ANKRD30BL: variants seen among roughly 807,000 people sequenced by gnomAD.
ANKRD30BL encodes ankyrin repeat domain 30B like, also known as putative ankyrin repeat domain-containing protein 30B-like.
A neutral mutation model predicts 18.4 loss-of-function variants in ANKRD30BL; 20 were observed. The observed-to-expected ratio is 1.09, with a 90% confidence interval of 0.77 to 1.58. The LOEUF is 1.58. ANKRD30BL is among the 40% of genes most tolerant of loss of function. The pLI, the probability that ANKRD30BL is intolerant of heterozygous loss-of-function variation, is 0.00. For synonymous variants in ANKRD30BL, 72 were observed against 100.9 expected (o/e 0.71, Z 1.72); for missense variants, 224 against 268.6 (o/e 0.83, Z 1.16).
intron 1 of ANKRD30BL, among the ~76,000 whole-genome samples, chr2:132,204,062 A>G (rs1679162025): frequency 6.6e-6 from 1 of 152,236 alleles, no homozygotes; most frequent in Admixed American, 6.5e-5. Flanking sequence ...CTGGTGCTCC[A>G]GGAATTTAAA....
intron 1 of ANKRD30BL, among the ~76,000 whole-genome samples, chr2:132,254,222 TC>T (rs931585294): frequency 2.0e-5 from 3 of 151,566 alleles, no homozygotes; most frequent in South Asian, 4.2e-4. Flanking sequence ...TCTCTGGCTC[TC>T]GGGGCAGGTG....
At chr2:132,172,753 G>A (rs1014650969) in intron 1 of ANKRD30BL, among the ~76,000 whole-genome samples, 4 of 151,700 alleles carry the variant, frequency 2.6e-5, no homozygotes, top group African/African-American at 7.3e-5. Flanking sequence ...TGTCGCCCAG[G>A]CTGGAGTGCA....
At chr2:132,154,866 A>C in intron 3 of ANKRD30BL, 98 bp from the exon 4 acceptor site, 1 of 524,618 alleles carries the variant, frequency 1.9e-6, no homozygotes, top group Non-Finnish European at 3.5e-6. Context: ...AAACAATGGA[A>C]AGTAAATCAA....
intron 1 of ANKRD30BL, among the ~76,000 whole-genome samples, chr2:132,243,065 T>C (rs1680384037): frequency 6.6e-6 from 1 of 151,622 alleles, no homozygotes; most frequent in Non-Finnish European, 1.5e-5. Flanking sequence ...CACATAAAAC[T>C]AGACAGAGGC....
chr2:132,209,690 A>G (rs7594658), intron 1 of ANKRD30BL, among the ~76,000 whole-genome samples: 10,799 of 151,984 alleles, frequency 0.071, 1,269 homozygotes, highest in African/African-American at 0.24. Flanking sequence ...ATATCTTCAA[A>G]TAAAAACTAC....
In ANKRD30BL at chr2:132,223,400, G is replaced by A. The variant is rs546076999; in HGVS notation, n.441+34129C>T. On this transcript the variant is annotated intron_variant and non_coding_transcript_variant, in intron 1 of 4. Coordinates refer to the ANKRD30BL transcript ENST00000470729. ...TTGAAACACTCTTTTTGTAGAATCT[G>A]CAAGTGGACATTTGGAGCGCTTTGA... Among the ~76,000 whole-genome samples the A allele has an allele frequency of 4.6e-5, 7 of 152,158 alleles. No individual in the cohort carries two copies. In the East Asian group the frequency reaches 1.4e-3, roughly 30 times the overall value.
chr2:132,152,738 A>C (rs1373320244), intron 4 of ANKRD30BL: 1 of 152,070 alleles, frequency 6.6e-6, no homozygotes, highest in African/African-American at 2.4e-5. Context: ...CCTGACTTAC[A>C]GTTTCAAACG....
chr2:132,246,571 C>CT (rs1317581183), intron 1 of ANKRD30BL, among the ~76,000 whole-genome samples: 2 of 151,964 alleles, frequency 1.3e-5, no homozygotes, highest in Non-Finnish European at 2.9e-5. Flanking sequence ...TGGAAACACT[C>CT]TTTTTGTAGA....
intron 1 of ANKRD30BL, among the ~76,000 whole-genome samples, chr2:132,239,001 T>C (rs1349806698): frequency 6.6e-6 from 1 of 152,140 alleles, no homozygotes; most frequent in Non-Finnish European, 1.5e-5. Flanking sequence ...AACTTCTTTG[T>C]GAGACTTGCA....
chr2:132,199,537 C>T lies in ANKRD30BL; in HGVS notation n.442-42391G>A, dbSNP rs1033313216. Among the ~76,000 whole-genome samples, 90 of 151,406 alleles carry T rather than the reference C, an allele frequency of 5.9e-4. 1 individual carries two copies. The highest frequency in any genetic ancestry group is 2.1e-3 in the African/African-American group (85 of 41,240). ...TTTTATTTTTTGTTTGAGACAGTCT[C>T]GCTCTGTGGTCCAAGCTGGAGTGCA... On this transcript the variant is annotated intron_variant and non_coding_transcript_variant, in intron 1 of 4. Transcript: ENST00000470729.
At chr2:132,161,210 G>A (rs1455547817) in intron 1 of ANKRD30BL, among the ~76,000 whole-genome samples, 1 of 151,988 alleles carries the variant, frequency 6.6e-6, no homozygotes, top group African/African-American at 2.4e-5. Context: ...ACAGTGCTCT[G>A]TGAGAGGAAG....
chr2:132,246,429 T>C (rs146234196), intron 1 of ANKRD30BL, among the ~76,000 whole-genome samples: 1 of 151,968 alleles, frequency 6.6e-6, no homozygotes, highest in Non-Finnish European at 1.5e-5. Flanking sequence ...AAGTGGATAT[T>C]GGACACCATT....
At chr2:132,203,272 A>G (rs1328760121) in intron 1 of ANKRD30BL, among the ~76,000 whole-genome samples, 1 of 152,300 alleles carries the variant, frequency 6.6e-6, no homozygotes, top group African/African-American at 2.4e-5. Context: ...TCAAATCATT[A>G]GGGATCTTCT....
chr2:132,209,743 A>G (rs1263644977), intron 1 of ANKRD30BL, among the ~76,000 whole-genome samples: 1 of 151,628 alleles, frequency 6.6e-6, no homozygotes, highest in African/African-American at 2.4e-5. Flanking sequence ...TGTGCATTCA[A>G]CTCACATAGT....
intron 1 of ANKRD30BL, among the ~76,000 whole-genome samples, chr2:132,228,265 T>C (rs1307866149): frequency 6.6e-6 from 1 of 151,846 alleles, no homozygotes; most frequent in African/African-American, 2.4e-5. Flanking sequence ...TATTTTCACA[T>C]CAAAACGACA....
intron 1 of ANKRD30BL, among the ~76,000 whole-genome samples, chr2:132,235,644 ACT>A (rs2104788138): frequency 6.6e-6 from 1 of 152,154 alleles, no homozygotes; most frequent in East Asian, 1.9e-4. Flanking sequence ...ATGTGAAGGA[ACT>A]CTTCAAGGAG....
intron 1 of ANKRD30BL, 30 bp downstream of exon 1, chr2:132,161,458 T>G (rs776146313): frequency 5.6e-6 from 8 of 1,437,850 alleles, no homozygotes; most frequent in Non-Finnish European, 5.7e-6. Context: ...CTCCTCCTCC[T>G]GCAGCCCCGG....
At chr2:132,214,444 A>G (rs1370849075) in intron 1 of ANKRD30BL, among the ~76,000 whole-genome samples, 2 of 151,980 alleles carry the variant, frequency 1.3e-5, no homozygotes, top group African/African-American at 2.4e-5. Flanking sequence ...CTTTTTGTAG[A>G]TTCTGCAAGT....
rs574750888 is a variant in ANKRD30BL at position 132,235,436 on chromosome 2, A to C, written n.441+22093T>G. On this transcript the variant is annotated intron_variant and non_coding_transcript_variant, in intron 1 of 4. Transcript: ENST00000470729. ...GATGACATGATTGTATATCTAGAAAACCCCATTGTCTCAGCCCAAAATCTC... is the reference window on the plus strand; with the variant it reads ...GATGACATGATTGTATATCTAGAAACCCCCATTGTCTCAGCCCAAAATCTC... 4.4e-3 allele frequency among the ~76,000 whole-genome samples: 663 copies of C among 152,086 alleles called. 9 individuals carry two copies. The highest frequency in any genetic ancestry group is 0.015 in the African/African-American group (624 of 41,504).
Sources: gnomAD v4.1 joint callset for allele counts (sites outside exome capture counted in the v4.1 genomes callset) on GRCh38, gnomAD v4.1.1 for gene constraint, MANE v1.5 for transcripts, NCBI Gene and HGNC (gene_info 2026-07-23, HGNC 2026-07-21) for gene names.